The following CEP126 variants were observed in gnomAD, a reference collection of about 807,000 sequenced individuals.
CEP126 encodes the protein centrosomal protein 126.
Under a neutral mutation model 107.8 loss-of-function variants are expected in CEP126, and 74 were observed. The observed-to-expected ratio is 0.69, with a 90% confidence interval of 0.57 to 0.83. The LOEUF is 0.83. Ranked by LOEUF, CEP126 falls within the 40% of genes least tolerant of loss-of-function variation. The probability of loss-of-function intolerance (pLI) is 0.00; values close to 1 mark genes in which losing one functional copy is unlikely to be tolerated. For synonymous variants in CEP126, 449 were observed against 446.0 expected (o/e 1.01, Z -0.08); for missense variants, 1,237 against 1,281.9 (o/e 0.96, Z 0.53).
At chr11:101,996,201 A>G (rs534005310) in intron 10 of CEP126, among the ~76,000 whole-genome samples, 7 of 152,344 alleles carry the variant, frequency 4.6e-5, no homozygotes, top group African/African-American at 1.7e-4. Context: ...TCAGAAAAGC[A>G]GAGTCGTTCC....
At position 101,944,330 on chromosome 11, in the gene CEP126, A is replaced by T; in HGVS notation, c.314A>T (p.Gln105Leu). ...CACCAAATTAGAGAACAAATACTTCAACAAAGAAAACAGAAGTTTGAAGAA... is the reference window on the plus strand; with the variant it reads ...CACCAAATTAGAGAACAAATACTTCTACAAAGAAAACAGAAGTTTGAAGAA... ...KEHQIREQILQQRKQKFEEVT... is the reference protein window; with the variant it reads ...KEHQIREQILLQRKQKFEEVT... The change falls in exon 3 of 11, where the codon CAA becomes CTA. Residue 105 changes from glutamine to leucine, a missense_variant. Coordinates refer to ENST00000263468, the MANE Select transcript of CEP126 (RefSeq NM_020802.4). 6.2e-7 allele frequency: 1 copy of T among 1,611,882 alleles called. No individual in the cohort carries two copies. Among genetic ancestry groups the T allele is most frequent in the South Asian group, 1.1e-5 (1 of 90,474 alleles).
chr11:101,987,107 C>G, intron 9 of CEP126, 66 bp downstream of exon 9: 3 of 1,146,836 alleles, frequency 2.6e-6, no homozygotes, highest in Non-Finnish European at 3.7e-6. Flanking sequence ...TTAATTTAAA[C>G]TTTAATTTAA....
Position 101,962,289 on chromosome 11 carries a change from C to T in CEP126, c.1254C>T (p.Ser418=). 6.2e-7 allele frequency: 1 copy of T among 1,613,476 alleles called. No individual in the cohort carries two copies. Among genetic ancestry groups the T allele is most frequent in the Non-Finnish European group, 8.5e-7 (1 of 1,179,748 alleles). Reference sequence around the variant, plus strand: ...CTGAGAGCCCAACATTTAAATTTAGCAAATCCCAAAGCACTTCAGATTCTC... The same window carrying T: ...CTGAGAGCCCAACATTTAAATTTAGTAAATCCCAAAGCACTTCAGATTCTC... The part of the protein sequence containing the change: ...LVTESPTFKF[S]KSQSTSDSLT... The change falls in exon 6 of 11, where the codon AGC becomes AGT. Residue 418 remains serine, a synonymous_variant. Coordinates refer to ENST00000263468, the MANE Select transcript of CEP126 (RefSeq NM_020802.4).
At chr11:101,979,089 A>T (rs1941226201) in intron 7 of CEP126, among the ~76,000 whole-genome samples, 1 of 152,044 alleles carries the variant, frequency 6.6e-6, no homozygotes, top group Non-Finnish European at 1.5e-5. Flanking sequence ...CTGAGGTCGC[A>T]TCATTGCACT....
chr11:101,937,077 G>T (rs996825629), intron 2 of CEP126, among the ~76,000 whole-genome samples: 6 of 152,106 alleles, frequency 3.9e-5, no homozygotes, highest in African/African-American at 1.4e-4. Context: ...ATTCATTTAT[G>T]TTTGATATAC....
rs2137071766 is a variant in CEP126, at chr11:101,915,228, G to A, written c.-57G>A. The A allele has an allele frequency of 8.1e-6, 13 of 1,604,068 alleles. No individual in the cohort carries two copies. The highest frequency in any genetic ancestry group is 1.0e-5 in the Non-Finnish European group (12 of 1,174,614). Reference sequence around the variant, plus strand: ...GGCCGAGCAGGAGGAGGAGGAAGCCGGAGCTGCCATGAGGGAGGTTCTGGG... The same window carrying A: ...GGCCGAGCAGGAGGAGGAGGAAGCCAGAGCTGCCATGAGGGAGGTTCTGGG... On this transcript the variant is annotated 5_prime_UTR_variant, in exon 1 of 11. Transcript: ENST00000263468.
rs754633389 is a variant in CEP126, at chr11:101,963,137, TAGG to T, written c.2107_2109del (p.Gly703del). 4 of 1,613,974 alleles carry T rather than the reference TAGG, an allele frequency of 2.5e-6. No homozygotes were observed. The Admixed American group carries it at 5.0e-5, about 20-fold the overall frequency. On this transcript the variant is annotated inframe_deletion, in exon 6 of 11. Transcript: ENST00000263468. ...TCTATCTCTGAAAATGTTACGACTT[TAGG>T]AGGATCTGGAGCAGACCATATGCCT...
Position 101,962,074 on chromosome 11 carries a change from G to T in CEP126, c.1039G>T (p.Glu347Ter). 1 of 1,612,470 alleles carries T rather than the reference G, an allele frequency of 6.2e-7. No homozygotes were observed. The highest frequency in any genetic ancestry group is 8.5e-7 in the Non-Finnish European group (1 of 1,179,348). ...LPSWEYFNSK[E>*]QNPSPLNGTV... Reference sequence around the variant, plus strand: ...TTCATGGGAATATTTTAATAGTAAAGAACAAAATCCATCTCCTTTGAATGG... The same window carrying T: ...TTCATGGGAATATTTTAATAGTAAATAACAAAATCCATCTCCTTTGAATGG... Residue 347 changes from glutamate (E) to a stop codon, truncating the protein, a stop_gained, in exon 6 of 11, where the codon GAA becomes TAA. Transcript: ENST00000263468. LOFTEE classifies it high-confidence loss of function.
chr11:101,930,818 A>G (rs1158442195), intron 2 of CEP126, among the ~76,000 whole-genome samples: 1 of 152,028 alleles, frequency 6.6e-6, no homozygotes, highest in Non-Finnish European at 1.5e-5. Context: ...TGTTATTTTT[A>G]TTGTTTTTTC....
At chr11:101,956,461 G>A (rs1044131564) in intron 4 of CEP126, 5 of 456,326 alleles carry the variant, frequency 1.1e-5, no homozygotes, top group Admixed American at 2.4e-5. Flanking sequence ...ATCAGCCCGA[G>A]GCCTTTGCAG....
intron 1 of CEP126, among the ~76,000 whole-genome samples, chr11:101,919,859 C>T (rs540273588): frequency 1.7e-4 from 26 of 152,308 alleles, no homozygotes; most frequent in Admixed American, 4.6e-4. Flanking sequence ...TCCCCTCAAC[C>T]TCATGTTGGC....
In CEP126 at chr11:101,921,456, C is replaced by T. The variant is rs1305683399; in HGVS notation, c.129-1185C>T. On this transcript the variant is annotated intron_variant, in intron 1 of 10. Transcript: ENST00000263468. ...GCACGGTGGCTCACGCCTGTAATCA[C>T]ACCACTATGGGAGGCCGAGGCAGGT... Among the ~76,000 whole-genome samples, 5 of 152,052 alleles carry T rather than the reference C, an allele frequency of 3.3e-5. No homozygotes were observed. In the South Asian group the frequency reaches 6.2e-4, roughly 19 times the overall value.
intron 2 of CEP126, among the ~76,000 whole-genome samples, chr11:101,923,903 C>A (rs867350264): frequency 1.3e-5 from 2 of 151,990 alleles, no homozygotes; most frequent in African/African-American, 4.8e-5. Context: ...TGGTGTAGAG[C>A]AGAAAGGGTA....
intron 5 of CEP126, among the ~76,000 whole-genome samples, chr11:101,959,497 A>G (rs889307066): frequency 4.6e-5 from 7 of 152,162 alleles, no homozygotes; most frequent in South Asian, 2.1e-4. Flanking sequence ...ACTCAATAAC[A>G]TAATGCTCAC....
At chr11:101,951,078 T>C (rs1055309622) in intron 4 of CEP126, among the ~76,000 whole-genome samples, 3 of 152,158 alleles carry the variant, frequency 2.0e-5, no homozygotes, top group African/African-American at 7.2e-5. Flanking sequence ...AAAGGATGGC[T>C]CTGATAATAA....
intron 2 of CEP126, among the ~76,000 whole-genome samples, chr11:101,931,086 G>A (rs1940492675): frequency 6.6e-6 from 1 of 152,022 alleles, no homozygotes; most frequent in Admixed American, 6.6e-5. Context: ...GATTTTGTTA[G>A]AACTGAAATC....
Position 101,963,697 on chromosome 11 carries a change from A to G in CEP126, c.2662A>G (p.Lys888Glu), listed in dbSNP as rs61746434. The change falls in exon 6 of 11, where the codon AAA (lysine) becomes GAA (glutamate). Residue 888 changes from lysine to glutamate, a missense_variant. Lys to Glu is a moderately conservative substitution (Grantham distance 56, BLOSUM62 1). Transcript: ENST00000263468. The part of the protein sequence containing the change: ...YCSSECQTFA[K>E]INHSNGTQAV... ...TTCTTCAGAGTGCCAAACTTTCGCA[A>G]AAATAAATCATTCAAATGGCACTCA... 1.1e-4 allele frequency: 183 copies of G among 1,614,138 alleles called. No individual in the cohort carries two copies. In the African/African-American group the frequency reaches 2.2e-3, roughly 20 times the overall value.
rs184998255 is a variant in CEP126, at chr11:101,997,860, T to C, written c.*217T>C. The C allele has an allele frequency of 6.2e-4, 342 of 553,936 alleles. 1 individual carries two copies. Among genetic ancestry groups the C allele is most frequent in the Non-Finnish European group, 8.7e-4 (279 of 319,408 alleles). 34.3% of individuals were successfully genotyped at this position (553,936 alleles called of 1,614,324 possible). ...GTTCTGAGAATACCATGAAAGACATTATGCCTGCCTAAACAAAAAGCAGGA... is the reference window on the plus strand; with the variant it reads ...GTTCTGAGAATACCATGAAAGACATCATGCCTGCCTAAACAAAAAGCAGGA... On this transcript the variant is annotated 3_prime_UTR_variant, in exon 11 of 11. Transcript: ENST00000263468.
Position 101,938,171 on chromosome 11 carries a change from A to AAAAAAAAAAAC in CEP126, c.249-6089_249-6088insAAAAACAAAAA, listed in dbSNP as rs1307777067. 5.5e-5 allele frequency among the ~76,000 whole-genome samples: 8 copies of AAAAAAAAAAAC among 144,522 alleles called. 1 individual carries two copies. The highest frequency in any genetic ancestry group is 2.0e-4 in the African/African-American group (8 of 39,204). 94.8% of individuals were successfully genotyped at this position (144,522 alleles called of 152,430 possible). A position where few individuals can be genotyped will look rare whatever the true frequency, so the allele number is the denominator to read the frequency against. ...CGAGACTCTGTCTCAAAAAAAAAAA[A>AAAAAAAAAAAC]AAAAATACAAGAAATTGGTCCATTT... is the stretch of plus-strand genomic sequence containing the variant. On this transcript the variant is annotated intron_variant, in intron 2 of 10. Coordinates refer to ENST00000263468, the MANE Select transcript of CEP126 (RefSeq NM_020802.4).
Sources: gnomAD v4.1 joint callset for allele counts (sites outside exome capture counted in the v4.1 genomes callset) on GRCh38, gnomAD v4.1.1 for gene constraint, MANE v1.5 for transcripts, NCBI Gene and HGNC (gene_info 2026-07-23, HGNC 2026-07-21) for gene names.